CAPN13: variants seen among roughly 807,000 people sequenced by gnomAD.
CAPN13 encodes calpain-13.
In CAPN13, 90 loss-of-function variants were observed where a neutral mutation model predicts 98.4. The observed-to-expected ratio is 0.92, with a 90% CI of 0.77 to 1.09. The LOEUF is 1.09. CAPN13 is among the 50% of genes least tolerant of loss of function. The pLI is 0.00. For synonymous variants in CAPN13, 330 were observed against 305.5 expected, an observed-to-expected ratio of 1.08 and a Z score of -0.84; for missense variants, 887 against 841.3, an observed-to-expected ratio of 1.05 and a Z score of -0.67.
At chr2:30,765,444 AAGGCAGT>A (rs1673064372) in intron 5 of CAPN13, among the ~76,000 whole-genome samples, 2 of 152,198 alleles carry the variant, frequency 1.3e-5, no homozygotes, top group Admixed American at 1.3e-4. Context: ...CACAGGGTAG[AAGGCAGT>A]GGAGGAAGTC....
At chr2:30,745,401 C>A (rs945507533) in intron 12 of CAPN13, 2 of 528,764 alleles carry the variant, frequency 3.8e-6, no homozygotes, top group African/African-American at 1.9e-5. Context: ...TCCAAGGTAC[C>A]CCTTAGTGCT....
Position 30,777,564 on chromosome 2 carries a change from T to G in CAPN13, c.271+3A>C, listed in dbSNP as rs1479512328. The G allele has an allele frequency of 6.4e-7, 1 of 1,571,190 alleles. No homozygotes were observed. Among genetic ancestry groups the G allele is most frequent in the South Asian group, 1.2e-5 (1 of 85,222 alleles). On this transcript the variant is annotated splice_donor_region_variant and intron_variant, in intron 3 of 22. Coordinates refer to ENST00000295055, the MANE Select transcript of CAPN13 (RefSeq NM_144575.3). ...GCACGGAGGGAAGATGTTGCACTCT[T>G]ACCTGCGCCTCCTTGTTGGATGTCA...
At chr2:30,791,653 T>C (rs544770794) in intron 1 of CAPN13, among the ~76,000 whole-genome samples, 14 of 152,376 alleles carry the variant, frequency 9.2e-5, no homozygotes, top group African/African-American at 3.4e-4. Flanking sequence ...TAACATTTCA[T>C]GGAAAAGATG....
chr2:30,755,617 G>A (rs1459501885), intron 8 of CAPN13, among the ~76,000 whole-genome samples: 3 of 152,104 alleles, frequency 2.0e-5, no homozygotes, highest in Admixed American at 6.6e-5. Flanking sequence ...GGGGAGGCAT[G>A]CTTGTAAGCA....
chr2:30,800,030 C>T (rs13020075), intron 1 of CAPN13, among the ~76,000 whole-genome samples: 33,680 of 148,986 alleles, frequency 0.23, 4,724 homozygotes, highest in Admixed American at 0.38. Context: ...GCCGAGATTG[C>T]GCCATTGCAC....
chr2:30,725,477 C>T (rs930323367), intron 22 of CAPN13, among the ~76,000 whole-genome samples: 4 of 152,116 alleles, frequency 2.6e-5, no homozygotes, highest in Non-Finnish European at 4.4e-5. Context: ...TCAACTTGCC[C>T]GGTGAGTCCA....
intron 7 of CAPN13, among the ~76,000 whole-genome samples, chr2:30,762,235 G>A (rs571653208): frequency 2.3e-4 from 35 of 152,292 alleles, no homozygotes; most frequent in African/African-American, 7.2e-4. Flanking sequence ...CTTTATGAAC[G>A]GAGAAGGTTG....
intron 8 of CAPN13, among the ~76,000 whole-genome samples, chr2:30,757,130 C>A (rs1454475456): frequency 5.3e-5 from 8 of 152,156 alleles, no homozygotes; most frequent in African/African-American, 1.7e-4. Context: ...ATGTTCCCCA[C>A]CCCCAGCCCC....
Position 30,753,116 on chromosome 2 carries a change from T to C in CAPN13, c.1024A>G (p.Thr342Ala). Reference protein sequence around the residue: ...EIPITLDHGNTLHEGWSQIMF... With the variant: ...EIPITLDHGNALHEGWSQIMF... Reference sequence around the variant, plus strand: ...ATTTGGGACCATCCTTCGTGGAGTGTGTTTCCATGGTCCAGGGTAATTGGA... The same window carrying C: ...ATTTGGGACCATCCTTCGTGGAGTGCGTTTCCATGGTCCAGGGTAATTGGA... Residue 342 changes from threonine to alanine, a missense_variant, in exon 10 of 23, where the codon ACA (threonine) becomes GCA (alanine). By Grantham distance (58) the Thr-to-Ala change is moderately conservative. Coordinates refer to ENST00000295055, the MANE Select transcript of CAPN13 (RefSeq NM_144575.3). 6.2e-7 allele frequency: 1 copy of C among 1,614,022 alleles called. No individual in the cohort carries two copies. Among genetic ancestry groups the C allele is most frequent in the Non-Finnish European group, 8.5e-7 (1 of 1,179,852 alleles).
At position 30,787,342 on chromosome 2, in the gene CAPN13, C is replaced by A; in HGVS notation, c.-17G>T. 1 of 1,600,014 alleles carries A rather than the reference C, an allele frequency of 6.2e-7. No individual in the cohort carries two copies. The highest frequency in any genetic ancestry group is 8.5e-7 in the Non-Finnish European group (1 of 1,173,696). The stretch of plus-strand genomic sequence containing the variant: ...ATACGCCATGACTCTCCTTAGAAGA[C>A]TTCCGAGGTCCTTTCCTGTTGGTGA... On this transcript the variant is annotated 5_prime_UTR_variant, in exon 2 of 23. Transcript: ENST00000295055.
chr2:30,746,933 A>G (rs1671943828), intron 11 of CAPN13, among the ~76,000 whole-genome samples: 1 of 152,226 alleles, frequency 6.6e-6, no homozygotes, highest in Non-Finnish European at 1.5e-5. Flanking sequence ...ACTGAAAGGA[A>G]GGGGGAGATT....
At chr2:30,749,821 C>A (rs944866262) in intron 11 of CAPN13, among the ~76,000 whole-genome samples, 7 of 152,100 alleles carry the variant, frequency 4.6e-5, no homozygotes, top group African/African-American at 9.7e-5. Context: ...GGTTTGAGAA[C>A]CTTCACTTGA....
intron 2 of CAPN13, among the ~76,000 whole-genome samples, chr2:30,782,818 T>C (rs1316162770): frequency 1.3e-5 from 2 of 152,224 alleles, no homozygotes; most frequent in Non-Finnish European, 2.9e-5. Context: ...CTGGTGATTG[T>C]TGTGAAGCTC....
rs183658557 is a variant in CAPN13 at position 30,750,339 on chromosome 2, A to T, written c.1236+764T>A. ...GGGTGGGAGGAGGGAGCGGGGCAGA[A>T]AAGATGACTACTGGGTACTGAGCTT... On this transcript the variant is annotated intron_variant, in intron 11 of 22. Transcript: ENST00000295055. Among the ~76,000 whole-genome samples, 11 of 152,306 alleles carry T rather than the reference A, an allele frequency of 7.2e-5. No homozygotes were observed. The East Asian group carries it at 2.1e-3, about 29-fold the overall frequency.
At chr2:30,795,326 C>T (rs187246055) in intron 1 of CAPN13, among the ~76,000 whole-genome samples, 8 of 152,208 alleles carry the variant, frequency 5.3e-5, no homozygotes, top group Non-Finnish European at 1.0e-4. Context: ...TACTCAACGT[C>T]ACTAAGTATG....
chr2:30,728,961 C>T (rs1670959105), intron 22 of CAPN13, among the ~76,000 whole-genome samples: 1 of 152,102 alleles, frequency 6.6e-6, no homozygotes, highest in South Asian at 2.1e-4. Flanking sequence ...TGGAGTTTAG[C>T]TGGAAGGGGT....
chr2:30,800,176 GAAA>G (rs1200130714), intron 1 of CAPN13, among the ~76,000 whole-genome samples: 19 of 150,438 alleles, frequency 1.3e-4, no homozygotes, highest in African/African-American at 4.7e-4. Flanking sequence ...AAGAAAGAAA[GAAA>G]GAAAGAAAGA....
At chr2:30,752,634 G>T (rs1672231598) in intron 10 of CAPN13, among the ~76,000 whole-genome samples, 2 of 152,224 alleles carry the variant, frequency 1.3e-5, no homozygotes, top group Admixed American at 1.3e-4. Flanking sequence ...GCTGAGGACA[G>T]GGTGACCAAT....
chr2:30,758,819 C>T lies in CAPN13; in HGVS notation c.775-682G>A, dbSNP rs1040665589. On this transcript the variant is annotated intron_variant, in intron 7 of 22. Coordinates refer to ENST00000295055, the MANE Select transcript of CAPN13 (RefSeq NM_144575.3). Reference sequence around the variant, plus strand: ...TCCTTCCTCCCTCCCTTCCCTTCCTCCCTTCCTTCCTCCCTTCCTTCTTTC... The same window carrying T: ...TCCTTCCTCCCTCCCTTCCCTTCCTTCCTTCCTTCCTCCCTTCCTTCTTTC... 1.9e-4 allele frequency among the ~76,000 whole-genome samples: 16 copies of T among 83,344 alleles called. No homozygotes were observed. The East Asian group carries it at 2.4e-3, about 13-fold the overall frequency. 54.7% of individuals were successfully genotyped at this position (83,344 alleles called of 152,430 possible).
Sources: allele counts gnomAD v4.1 joint callset (sites outside exome capture counted in the v4.1 genomes callset), GRCh38; gene constraint gnomAD v4.1.1; transcripts MANE v1.5; gene names NCBI Gene and HGNC (gene_info 2026-07-23, HGNC 2026-07-21).